Variants in DMXL1 observed in about 807,000 individuals in gnomAD.
DMXL1 encodes Dmx like 1.
A neutral mutation model predicts 319.2 loss-of-function variants in DMXL1; 99 were observed. That is an observed-to-expected ratio of 0.31 (90% CI 0.26 to 0.37). DMXL1 has a LOEUF of 0.37. DMXL1 is among the 10% of genes least tolerant of loss of function. The pLI, the probability that DMXL1 is intolerant of heterozygous loss-of-function variation, is 1.00. For synonymous variants in DMXL1, 1,385 were observed against 1,235.2 expected (o/e 1.12, Z -2.54); for missense variants, 3,745 against 3,595.6 (o/e 1.04, Z -1.06).
chr5:119,147,079 T>C, intron 16 of DMXL1, 123 bp downstream of exon 16: 1 of 1,189,546 alleles, frequency 8.4e-7, no homozygotes, highest in Non-Finnish European at 1.2e-6. Flanking sequence ...TAACTGTAGA[T>C]TATTCAATTA....
At chr5:119,127,519 A>G (rs886477151) in intron 9 of DMXL1, among the ~76,000 whole-genome samples, 6 of 152,138 alleles carry the variant, frequency 3.9e-5, no homozygotes, top group African/African-American at 1.2e-4. Flanking sequence ...GCTCACTGCA[A>G]CTTCTGCCTC....
chr5:119,149,011 AAGC>A lies in DMXL1; in HGVS notation c.3188_3190del (p.Gln1063del). 1.2e-6 allele frequency: 2 copies of A among 1,613,962 alleles called. No homozygotes were observed. Among genetic ancestry groups the A allele is most frequent in the Non-Finnish European group, 8.5e-7 (1 of 1,179,882 alleles). Reference sequence around the variant, plus strand: ...TACAAATCGTTTAGCAGTAGCTTATAAGCAGCCTGCATCTAATAGTAGATCTTC... The same window carrying A: ...TACAAATCGTTTAGCAGTAGCTTATAAGCCTGCATCTAATAGTAGATCTTC... On this transcript the variant is annotated inframe_deletion, in exon 18 of 44. Coordinates refer to ENST00000539542, the MANE Select transcript of DMXL1 (RefSeq NM_001290321.3).
At chr5:119,176,780 A>G (rs1486978660) in intron 26 of DMXL1, among the ~76,000 whole-genome samples, 2 of 151,976 alleles carry the variant, frequency 1.3e-5, no homozygotes, top group South Asian at 4.1e-4. Flanking sequence ...TTGTTCATTC[A>G]TCTGTTAGTC....
chr5:119,095,336 T>C (rs1481435710), intron 1 of DMXL1, among the ~76,000 whole-genome samples: 1 of 152,210 alleles, frequency 6.6e-6, no homozygotes. Flanking sequence ...TGTTATTAGT[T>C]GGTATTTTCC....
At chr5:119,085,611 G>C (rs1312463069) in intron 1 of DMXL1, among the ~76,000 whole-genome samples, 3 of 152,020 alleles carry the variant, frequency 2.0e-5, no homozygotes, top group Admixed American at 6.6e-5. Context: ...GCTGTTCTGA[G>C]TATACAATCA....
intron 40 of DMXL1, among the ~76,000 whole-genome samples, chr5:119,238,373 T>A (rs1788136977): frequency 6.6e-6 from 1 of 152,142 alleles, no homozygotes; most frequent in African/African-American, 2.4e-5. Flanking sequence ...AAACATAATT[T>A]TGAAGCTTTT....
chr5:119,186,412 C>T (rs1046881725), intron 28 of DMXL1, among the ~76,000 whole-genome samples: 16 of 152,226 alleles, frequency 1.1e-4, no homozygotes, highest in African/African-American at 3.9e-4. Context: ...CATGTGCCAC[C>T]ATGCCCAGCT....
intron 30 of DMXL1, among the ~76,000 whole-genome samples, 157 bp downstream of exon 30, chr5:119,194,127 C>T (rs1779183451): frequency 6.6e-6 from 1 of 152,078 alleles, no homozygotes; most frequent in African/African-American, 2.4e-5. Context: ...CTTTCCTTAA[C>T]AATAATTTCT....
chr5:119,152,177 GTTTAT>G, intron 19 of DMXL1, 141 bp downstream of exon 19: 2 of 595,720 alleles, frequency 3.4e-6, no homozygotes, highest in Admixed American at 3.4e-5. Flanking sequence ...TTGTTAAAAT[GTTTAT>G]TTTGTCATAA....
In DMXL1 at chr5:119,096,917, A is replaced by T. The variant is rs143206399; in HGVS notation, c.88-1062A>T. Reference sequence around the variant, plus strand: ...TAGAGTAGAGAACAAGATAAACTTGAATCCTTCCTTTTTGGAATTTAACTT... The same window carrying T: ...TAGAGTAGAGAACAAGATAAACTTGTATCCTTCCTTTTTGGAATTTAACTT... On this transcript the variant is annotated intron_variant, in intron 1 of 43. Coordinates refer to ENST00000539542, the MANE Select transcript of DMXL1 (RefSeq NM_001290321.3). Among the ~76,000 whole-genome samples the T allele has an allele frequency of 8.0e-4, 122 of 152,352 alleles. 1 individual carries two copies. The highest frequency in any genetic ancestry group is 2.9e-3 in the African/African-American group (119 of 41,580).
At position 119,193,906 on chromosome 5, in the gene DMXL1, G is replaced by A. The variant is rs748924469; in HGVS notation, c.7393G>A (p.Asp2465Asn). Residue 2465 changes from aspartate (D) to asparagine (N), a missense_variant, in exon 30 of 44, where the codon GAT becomes AAT. Asp to Asn is a conservative substitution (Grantham distance 23, BLOSUM62 1). Transcript: ENST00000539542. ...GGGAAGTGATGATGATGACAATGAT[G>A]ATGATGATGATGTTTTAGCATCAGA... The part of the protein sequence containing the change: ...SLGSDDDDND[D>N]DDDVLASDFH... 6.2e-7 allele frequency: 1 copy of A among 1,612,118 alleles called. No individual in the cohort carries two copies. The highest frequency in any genetic ancestry group is 8.5e-7 in the Non-Finnish European group (1 of 1,178,814).
intron 42 of DMXL1, among the ~76,000 whole-genome samples, chr5:119,243,017 G>A (rs1020568307): frequency 1.3e-5 from 2 of 152,172 alleles, no homozygotes; most frequent in African/African-American, 4.8e-5. Context: ...TAATTGGATA[G>A]AAGTCAGAAT....
intron 1 of DMXL1, among the ~76,000 whole-genome samples, chr5:119,079,568 C>T (rs1026758878): frequency 1.3e-5 from 2 of 152,232 alleles, no homozygotes; most frequent in African/African-American, 4.8e-5. Context: ...GTCCTGCTCA[C>T]TTCTTAACTC....
chr5:119,191,854 C>T (rs1778752226), intron 29 of DMXL1, among the ~76,000 whole-genome samples: 1 of 152,210 alleles, frequency 6.6e-6, no homozygotes, highest in Admixed American at 6.5e-5. Flanking sequence ...AGCTCCTGAC[C>T]AAGTTCTTAC....
intron 1 of DMXL1, among the ~76,000 whole-genome samples, chr5:119,085,224 G>A (rs555992902): frequency 4.6e-5 from 7 of 151,884 alleles, no homozygotes; most frequent in South Asian, 2.1e-4. Flanking sequence ...CTAGCTACTC[G>A]TGAGACTGAG....
At chr5:119,129,470 C>G in intron 10 of DMXL1, 47 bp downstream of exon 10, 2 of 1,364,672 alleles carry the variant, frequency 1.5e-6, no homozygotes, top group South Asian at 2.7e-5. Flanking sequence ...CTCAAAATAG[C>G]AAACATTTTC....
chr5:119,182,688 A>G (rs916691869), intron 28 of DMXL1, among the ~76,000 whole-genome samples: 1 of 152,136 alleles, frequency 6.6e-6, no homozygotes, highest in Non-Finnish European at 1.5e-5. Context: ...CAAAATTCTT[A>G]ACAAAAATGT....
rs190409142 is a variant in DMXL1 at position 119,219,425 on chromosome 5, T to G, written c.8014-1047T>G. 1.2e-3 allele frequency among the ~76,000 whole-genome samples: 176 copies of G among 152,266 alleles called. 3 individuals are homozygous for G. In the East Asian group the frequency reaches 0.027, roughly 23 times the overall value. On this transcript the variant is annotated intron_variant, in intron 35 of 43. Coordinates refer to ENST00000539542, the MANE Select transcript of DMXL1 (RefSeq NM_001290321.3). The stretch of plus-strand genomic sequence containing the variant: ...CACCCAATAATCTAGCTATATCATT[T>G]TTTCATTTATTTCTAAGGTCTCAGT...
chr5:119,228,271 T>C (rs1200344567), intron 38 of DMXL1, among the ~76,000 whole-genome samples: 2 of 152,212 alleles, frequency 1.3e-5, no homozygotes, highest in Non-Finnish European at 1.5e-5. Context: ...CAGAGCACTT[T>C]AGGATTATAG....
Sources: allele counts gnomAD v4.1 joint callset (sites outside exome capture counted in the v4.1 genomes callset), GRCh38; gene constraint gnomAD v4.1.1; transcripts MANE v1.5; gene names NCBI Gene and HGNC (gene_info 2026-07-23, HGNC 2026-07-21).